Variants in CDH12 observed in about 807,000 individuals in gnomAD.
The protein encoded by CDH12 is cadherin-12.
A neutral mutation model predicts 74.1 loss-of-function variants in CDH12; 41 were observed. The ratio of observed to expected loss-of-function variants is 0.55; its 90% CI spans 0.43 to 0.72. The LOEUF is 0.72. CDH12 is among the 30% of genes least tolerant of loss of function. CDH12 has a pLI of 0.00. For synonymous variants in CDH12, 399 were observed against 355.0 expected (o/e 1.12, Z -1.39); for missense variants, 945 against 977.2 (o/e 0.97, Z 0.44).
chr5:21,953,812 A>G (rs1348451596), intron 6 of CDH12, among the ~76,000 whole-genome samples: 10 of 152,254 alleles, frequency 6.6e-5, no homozygotes, highest in Middle Eastern at 3.4e-3. Context: ...TTTGGAATCC[A>G]TGAAGTTGGT....
intron 1 of CDH12, among the ~76,000 whole-genome samples, chr5:22,760,702 A>G (rs866737550): frequency 2.4e-5 from 3 of 126,840 alleles, no homozygotes; most frequent in African/African-American, 6.3e-5. Context: ...AAAAAAAAAC[A>G]AAAAAAAAAA....
chr5:21,840,840 T>C (rs1749801972), intron 8 of CDH12, among the ~76,000 whole-genome samples: 1 of 152,148 alleles, frequency 6.6e-6, no homozygotes, highest in South Asian at 2.1e-4. Flanking sequence ...TCCTTACACC[T>C]TACACAAAAA....
chr5:22,799,129 A>G (rs1415327954), intron 1 of CDH12, among the ~76,000 whole-genome samples: 1 of 152,144 alleles, frequency 6.6e-6, no homozygotes, highest in Non-Finnish European at 1.5e-5. Context: ...ACAAACAAAC[A>G]AACAAACAAA....
chr5:22,051,858 T>C (rs1441858382), intron 5 of CDH12, among the ~76,000 whole-genome samples: 4 of 152,046 alleles, frequency 2.6e-5, no homozygotes, highest in Admixed American at 6.6e-5. Context: ...AGGGTGTAAT[T>C]TGAAAAGAGA....
At chr5:21,981,493 C>T (rs1277932077) in intron 5 of CDH12, among the ~76,000 whole-genome samples, 2 of 152,018 alleles carry the variant, frequency 1.3e-5, no homozygotes, top group Non-Finnish European at 2.9e-5. Context: ...CCCTAACACC[C>T]TTCAATACAA....
At position 22,333,146 on chromosome 5, in the gene CDH12, A is replaced by C. The variant is rs190613387; in HGVS notation, c.-333+72111T>G. ...GAATACTATGCAGCCATGAAAAGGA[A>C]TGTGATAATGTCCTTTGCAGGGACA... On this transcript the variant is annotated intron_variant, in intron 3 of 14. Transcript: ENST00000382254. Among the ~76,000 whole-genome samples the C allele has an allele frequency of 2.6e-3, 396 of 152,294 alleles. 2 individuals carry two copies. Among genetic ancestry groups the C allele is most frequent in the African/African-American group, 9.3e-3 (388 of 41,552 alleles).
At chr5:22,284,929 G>T (rs1176118822) in intron 3 of CDH12, among the ~76,000 whole-genome samples, 2 of 97,908 alleles carry the variant, frequency 2.0e-5, no homozygotes, top group Non-Finnish European at 4.1e-5. Context: ...AGGCAAAAGA[G>T]AAAAAAAGGG....
chr5:22,809,870 G>A (rs888729343), intron 1 of CDH12, among the ~76,000 whole-genome samples: 1 of 152,016 alleles, frequency 6.6e-6, no homozygotes, highest in African/African-American at 2.4e-5. Context: ...TTCAAATGGT[G>A]TAAAATGTTA....
chr5:22,475,900 T>C (rs1040956889), intron 2 of CDH12, among the ~76,000 whole-genome samples: 1 of 152,000 alleles, frequency 6.6e-6, no homozygotes, highest in African/African-American at 2.4e-5. Context: ...ACTCACAAAA[T>C]TTTCTAGAGA....
At chr5:22,011,302 T>C (rs1347543134) in intron 5 of CDH12, among the ~76,000 whole-genome samples, 1 of 152,134 alleles carries the variant, frequency 6.6e-6, no homozygotes, top group Non-Finnish European at 1.5e-5. Flanking sequence ...TTACAAAATA[T>C]CCTTACAAAG....
intron 1 of CDH12, among the ~76,000 whole-genome samples, chr5:22,606,537 C>T (rs565497972): frequency 6.6e-6 from 1 of 151,986 alleles, no homozygotes; most frequent in Admixed American, 6.5e-5. Context: ...TAAAGGGCTC[C>T]CTCCTTCACT....
intron 1 of CDH12, among the ~76,000 whole-genome samples, chr5:22,762,406 A>C (rs944392420): frequency 2.0e-5 from 3 of 152,122 alleles, no homozygotes; most frequent in Non-Finnish European, 4.4e-5. Flanking sequence ...AAAAAGTATT[A>C]AAATATTGTG....
intron 1 of CDH12, among the ~76,000 whole-genome samples, chr5:22,646,666 C>A (rs1447185700): frequency 6.6e-6 from 1 of 151,824 alleles, no homozygotes; most frequent in Non-Finnish European, 1.5e-5. Flanking sequence ...AACAACAACA[C>A]CAACAATGAA....
At chr5:22,211,815 C>A (rs1369468751) in intron 4 of CDH12, among the ~76,000 whole-genome samples, 2 of 150,686 alleles carry the variant, frequency 1.3e-5, no homozygotes, top group Non-Finnish European at 3.0e-5. Context: ...AGAATTCTTT[C>A]AAAAACAAGC....
intron 3 of CDH12, among the ~76,000 whole-genome samples, chr5:22,347,192 G>C (rs1048288768): frequency 2.6e-5 from 4 of 152,174 alleles, no homozygotes; most frequent in Middle Eastern, 3.2e-3. Flanking sequence ...GTGTCTGTGA[G>C]TGTGTTGCCA....
intron 5 of CDH12, among the ~76,000 whole-genome samples, chr5:22,016,999 A>C (rs1479124956): frequency 6.6e-6 from 1 of 152,108 alleles, no homozygotes; most frequent in African/African-American, 2.4e-5. Context: ...AAAGGAAGAC[A>C]ATAGCATCTT....
chr5:22,671,536 C>G (rs180880904), intron 1 of CDH12, among the ~76,000 whole-genome samples: 1 of 152,234 alleles, frequency 6.6e-6, no homozygotes, highest in South Asian at 2.1e-4. Flanking sequence ...AAGTAGTTTA[C>G]TCCCCAACAT....
intron 6 of CDH12, chr5:21,882,961 C>T (rs1488439890): frequency 6.3e-7 from 1 of 1,597,852 alleles, no homozygotes; most frequent in African/African-American, 1.3e-5. Flanking sequence ...GGCTCTATAG[C>T]CAAGGAAGGC....
intron 1 of CDH12, among the ~76,000 whole-genome samples, chr5:22,649,788 CAT>C (rs755966678): frequency 2.6e-5 from 4 of 151,852 alleles, no homozygotes; most frequent in Non-Finnish European, 5.9e-5. Context: ...AAAGGGGAAT[CAT>C]ATGATAAAAT....
Sources: allele counts gnomAD v4.1 joint callset (sites outside exome capture counted in the v4.1 genomes callset), GRCh38; gene constraint gnomAD v4.1.1; transcripts MANE v1.5; gene names NCBI Gene and HGNC (gene_info 2026-07-23, HGNC 2026-07-21).